Variants in KCNJ6 observed in about 807,000 individuals in gnomAD.
The protein encoded by KCNJ6 is potassium inwardly rectifying channel subfamily J member 6.
In KCNJ6, 9 loss-of-function variants were observed where a neutral mutation model predicts 34.2. That is an observed-to-expected ratio of 0.26 (90% CI 0.16 to 0.46). The LOEUF (loss-of-function observed/expected upper bound fraction) is 0.46, where lower values mean the gene tolerates loss of function less well. Among genes scored for constraint, KCNJ6 ranks in the 20% least tolerant of loss-of-function variants. The pLI, the probability that KCNJ6 is intolerant of heterozygous loss-of-function variation, is 1.00. For synonymous variants in KCNJ6, 196 were observed against 207.1 expected, an observed-to-expected ratio of 0.95 and a Z score of 0.46; for missense variants, 236 against 531.3, an observed-to-expected ratio of 0.44 and a Z score of 5.46.
intron 2 of KCNJ6, among the ~76,000 whole-genome samples, chr21:37,761,339 T>C (rs1018994485): frequency 6.7e-6 from 1 of 150,304 alleles, no homozygotes; most frequent in African/African-American, 2.5e-5. Flanking sequence ...TTAGTGTGTG[T>C]ATATTTGTGT....
chr21:37,664,323 AAGAAAT>A (rs1333786564), intron 3 of KCNJ6, among the ~76,000 whole-genome samples: 1 of 152,156 alleles, frequency 6.6e-6, no homozygotes, highest in African/African-American at 2.4e-5. Context: ...GCCAGAGAAA[AAGAAAT>A]AAAGAGACAA....
intron 2 of KCNJ6, among the ~76,000 whole-genome samples, chr21:37,821,973 T>C (rs532639766): frequency 4.6e-5 from 7 of 152,360 alleles, no homozygotes; most frequent in Non-Finnish European, 8.8e-5. Flanking sequence ...CATGACTGCA[T>C]ATCTGAGTCA....
chr21:37,743,358 T>C, intron 2 of KCNJ6, among the ~76,000 whole-genome samples: 1 of 151,558 alleles, frequency 6.6e-6, no homozygotes, highest in South Asian at 2.1e-4. Flanking sequence ...TACATATATA[T>C]CTGTAGATGC....
intron 1 of KCNJ6, among the ~76,000 whole-genome samples, chr21:37,879,459 G>T (rs557478333): frequency 6.6e-6 from 1 of 152,164 alleles, no homozygotes; most frequent in African/African-American, 2.4e-5. Flanking sequence ...AGTGGTAAGG[G>T]GGTTGGCTAT....
chr21:37,780,908 T>C (rs984313979), intron 2 of KCNJ6, among the ~76,000 whole-genome samples: 17 of 152,156 alleles, frequency 1.1e-4, no homozygotes, highest in African/African-American at 4.1e-4. Flanking sequence ...AGTTTATTAA[T>C]TAGATAGAAA....
At chr21:37,798,433 A>G (rs1223703147) in intron 2 of KCNJ6, among the ~76,000 whole-genome samples, 1 of 152,208 alleles carries the variant, frequency 6.6e-6, no homozygotes, top group Non-Finnish European at 1.5e-5. Flanking sequence ...GTTACCCTGT[A>G]GTGCTGCCCC....
intron 3 of KCNJ6, among the ~76,000 whole-genome samples, chr21:37,662,454 T>C (rs1311153571): frequency 2.6e-5 from 4 of 152,240 alleles, no homozygotes; most frequent in African/African-American, 9.6e-5. Context: ...TTCCTTTTTA[T>C]GGCTGTATAG....
At chr21:37,685,616 CT>C (rs200544325) in intron 3 of KCNJ6, among the ~76,000 whole-genome samples, 36,484 of 36,484 alleles carry the variant, frequency 1, 18,242 homozygotes, top group Non-Finnish European at 1. Flanking sequence ...GGATACGGAG[CT>C]TTGCAGTGAG....
chr21:37,801,168 A>T (rs2055267447), intron 2 of KCNJ6, among the ~76,000 whole-genome samples: 1 of 152,136 alleles, frequency 6.6e-6, no homozygotes, highest in African/African-American at 2.4e-5. Flanking sequence ...AGTTTCCTGG[A>T]TATTTTGGAT....
intron 2 of KCNJ6, among the ~76,000 whole-genome samples, chr21:37,720,943 A>G (rs901518697): frequency 6.6e-6 from 1 of 151,362 alleles, no homozygotes; most frequent in African/African-American, 2.4e-5. Flanking sequence ...TCCTGACCTC[A>G]TGATCCACCC....
chr21:37,702,371 C>T (rs1273571354), intron 3 of KCNJ6, among the ~76,000 whole-genome samples: 1 of 151,852 alleles, frequency 6.6e-6, no homozygotes, highest in Non-Finnish European at 1.5e-5. Context: ...GCCATAGAGA[C>T]AGACATATTT....
chr21:37,665,792 G>C (rs1333981518), intron 3 of KCNJ6, among the ~76,000 whole-genome samples: 4 of 152,246 alleles, frequency 2.6e-5, no homozygotes, highest in Non-Finnish European at 4.4e-5. Flanking sequence ...GTGTATCTGA[G>C]AAACACAATT....
chr21:37,876,396 G>A lies in KCNJ6; in HGVS notation c.-27-35687C>T, dbSNP rs868717556. 7.9e-5 allele frequency among the ~76,000 whole-genome samples: 12 copies of A among 152,224 alleles called. No individual in the cohort carries two copies. In the East Asian group the frequency reaches 1.4e-3, roughly 17 times the overall value. Reference sequence around the variant, plus strand: ...AGGTAGTCTGATCCCTAGAGAAGCCGTCCTCAAAGAGTTATATTTTTAATA... The same window carrying A: ...AGGTAGTCTGATCCCTAGAGAAGCCATCCTCAAAGAGTTATATTTTTAATA... On this transcript the variant is annotated intron_variant, in intron 1 of 3. Transcript: ENST00000609713.
intron 2 of KCNJ6, among the ~76,000 whole-genome samples, chr21:37,724,040 G>T (rs2054841105): frequency 6.6e-6 from 1 of 152,174 alleles, no homozygotes; most frequent in Non-Finnish European, 1.5e-5. Context: ...TATGCGGTGT[G>T]CGTGGAGGAA....
intron 2 of KCNJ6, among the ~76,000 whole-genome samples, chr21:37,760,154 C>G (rs115444157): frequency 6.6e-6 from 1 of 152,188 alleles, no homozygotes; most frequent in Non-Finnish European, 1.5e-5. Context: ...AAGTCCTGGT[C>G]CCGACCTGCC....
chr21:37,863,432 T>C (rs1300562994), intron 1 of KCNJ6, among the ~76,000 whole-genome samples: 1 of 152,070 alleles, frequency 6.6e-6, no homozygotes, highest in Admixed American at 6.6e-5. Context: ...TGATTTAGAG[T>C]GGGTACAGAG....
intron 3 of KCNJ6, among the ~76,000 whole-genome samples, chr21:37,707,198 T>C (rs1028317538): frequency 9.9e-5 from 15 of 152,230 alleles, no homozygotes; most frequent in African/African-American, 3.6e-4. Context: ...ACTCGCTGTT[T>C]TGACTATTCA....
intron 2 of KCNJ6, among the ~76,000 whole-genome samples, chr21:37,838,082 A>T (rs1259291691): frequency 6.6e-6 from 1 of 152,198 alleles, no homozygotes; most frequent in Non-Finnish European, 1.5e-5. Flanking sequence ...AGAAACATTT[A>T]TGCAATCTTT....
chr21:37,863,846 GTTTT>G (rs772060420), intron 1 of KCNJ6, among the ~76,000 whole-genome samples: 1,431 of 96,950 alleles, frequency 0.015, 48 homozygotes, highest in Middle Eastern at 0.023. Context: ...AAATATAAAG[GTTTT>G]TTTTTTTTTG....
Sources: allele counts gnomAD v4.1 joint callset (sites outside exome capture counted in the v4.1 genomes callset), GRCh38; gene constraint gnomAD v4.1.1; transcripts MANE v1.5; gene names NCBI Gene and HGNC (gene_info 2026-07-23, HGNC 2026-07-21).